Variants in MYCT1 observed in about 807,000 individuals in gnomAD.
MYCT1 encodes the protein MYC target 1, also known as myc target protein 1.
Under a neutral mutation model 15.0 loss-of-function variants are expected in MYCT1, and 12 were observed. The ratio of observed to expected loss-of-function variants is 0.80; its 90% CI spans 0.51 to 1.29. The LOEUF is 1.29. Ranked by LOEUF, MYCT1 falls within the 50% of genes most tolerant of loss-of-function variation. The pLI, the probability that MYCT1 is intolerant of heterozygous loss-of-function variation, is 0.00. For missense variants in MYCT1, 287 were observed against 279.1 expected, an observed-to-expected ratio of 1.03 and a Z score of -0.20; for synonymous variants, 104 against 102.7, an observed-to-expected ratio of 1.01 and a Z score of -0.07.
chr6:152,722,793 C>T lies in MYCT1; in HGVS notation c.*540C>T, dbSNP rs969444644. 4.9e-6 allele frequency: 2 copies of T among 408,480 alleles called. No individual in the cohort carries two copies. Among genetic ancestry groups the T allele is most frequent in the Non-Finnish European group, 9.7e-6 (2 of 206,252 alleles). The allele number at this position is 408,480 out of a possible 1,614,324, so 25.3% of individuals were successfully genotyped here. ...TGATCCGTCGCCCAGGCGGGAGTTG[C>T]AGTAGCATGATCAGGACTCACTGCA... On this transcript the variant is annotated 3_prime_UTR_variant, in exon 2 of 2. Transcript: ENST00000367245.
chr6:152,701,572 G>GA (rs2099721320), intron 1 of MYCT1, among the ~76,000 whole-genome samples: 1 of 152,114 alleles, frequency 6.6e-6, no homozygotes, highest in Non-Finnish European at 1.5e-5. Context: ...GAGGGTGTGT[G>GA]GATGGGTGGA....
downstream of MYCT1, among the ~76,000 whole-genome samples, chr6:152,727,280 T>A (rs533602003): frequency 2.5e-4 from 38 of 152,204 alleles, no homozygotes; most frequent in African/African-American, 8.7e-4. Context: ...AAAACATTTT[T>A]AACTAATTTT....
intron 1 of MYCT1, among the ~76,000 whole-genome samples, chr6:152,705,104 G>C (rs541714932): frequency 6.6e-6 from 1 of 151,910 alleles, no homozygotes; most frequent in African/African-American, 2.4e-5. Flanking sequence ...ACAGATGCTC[G>C]TCCATTTACG....
chr6:152,704,349 T>C (rs1012990307), intron 1 of MYCT1, among the ~76,000 whole-genome samples: 2 of 152,176 alleles, frequency 1.3e-5, no homozygotes, highest in Admixed American at 1.3e-4. Flanking sequence ...GAAAATCAAA[T>C]GGTCATGTAA....
At chr6:152,737,684 T>C in the MYCT1 span, among the ~76,000 whole-genome samples, 1,729 of 152,218 alleles carry the variant, frequency 0.011, 43 homozygotes, top group African/African-American at 0.04. Context: ...GAACAAGTTA[T>C]TGTGAATGAA....
intron 1 of MYCT1, among the ~76,000 whole-genome samples, chr6:152,701,838 A>G (rs181262651): frequency 8.5e-5 from 13 of 152,236 alleles, no homozygotes; most frequent in African/African-American, 2.4e-4. Flanking sequence ...GTACTTCTCC[A>G]TCTGTCTCAA....
At chr6:152,716,958 A>G (rs1031252515) in intron 1 of MYCT1, among the ~76,000 whole-genome samples, 2 of 152,182 alleles carry the variant, frequency 1.3e-5, no homozygotes, top group Non-Finnish European at 2.9e-5. Context: ...TCATTTTTTA[A>G]AAAGTAATAT....
chr6:152,700,161 A>T (rs938469632), intron 1 of MYCT1, among the ~76,000 whole-genome samples: 5 of 152,186 alleles, frequency 3.3e-5, no homozygotes, highest in Admixed American at 6.5e-5. Context: ...TGAAATATAA[A>T]TGTCAATCTT....
the MYCT1 span, among the ~76,000 whole-genome samples, chr6:152,742,135 T>C: frequency 6.6e-6 from 1 of 152,126 alleles, no homozygotes; most frequent in African/African-American, 2.4e-5. Flanking sequence ...ATGGAGGAAA[T>C]GTCATTGTAT....
chr6:152,731,984 A>G, the MYCT1 span, among the ~76,000 whole-genome samples: 1 of 152,174 alleles, frequency 6.6e-6, no homozygotes, highest in Non-Finnish European at 1.5e-5. Flanking sequence ...TTTATAAAAC[A>G]AACTACAGAG....
chr6:152,698,251 T>C (rs1453103419), intron 1 of MYCT1, among the ~76,000 whole-genome samples, 153 bp downstream of exon 1: 1 of 151,572 alleles, frequency 6.6e-6, no homozygotes, highest in East Asian at 1.9e-4. Flanking sequence ...ATCTATTTCA[T>C]ACGTTTATTA....
At chr6:152,725,954 G>A (rs908323207), downstream of MYCT1, among the ~76,000 whole-genome samples, 14 of 152,196 alleles carry the variant, frequency 9.2e-5, no homozygotes, top group South Asian at 4.1e-4. Context: ...CTGCCACTGA[G>A]AGACCTCGAA....
At chr6:152,727,615 G>A (rs1473222981), downstream of MYCT1, among the ~76,000 whole-genome samples, 1 of 152,218 alleles carries the variant, frequency 6.6e-6, no homozygotes, top group African/African-American at 2.4e-5. Context: ...CCATGCAAGT[G>A]CACTAGCATA....
chr6:152,701,399 T>G (rs577698141), intron 1 of MYCT1, among the ~76,000 whole-genome samples: 1 of 152,348 alleles, frequency 6.6e-6, no homozygotes, highest in East Asian at 1.9e-4. Context: ...ATTCTGTGTG[T>G]GGTCGTTTCA....
At chr6:152,715,126 T>C (rs563907798) in intron 1 of MYCT1, among the ~76,000 whole-genome samples, 35 of 152,306 alleles carry the variant, frequency 2.3e-4, no homozygotes, top group African/African-American at 7.7e-4. Context: ...TTTTTACAGA[T>C]TATTGTGATG....
chr6:152,741,305 A>T, the MYCT1 span, among the ~76,000 whole-genome samples: 496 of 152,308 alleles, frequency 3.3e-3, 1 homozygote, highest in African/African-American at 9.9e-3. Flanking sequence ...TCTTTTTCAC[A>T]TAAGAACATT....
chr6:152,731,218 C>T, the MYCT1 span, among the ~76,000 whole-genome samples: 3 of 100,000 alleles, frequency 3.0e-5, no homozygotes, highest in Admixed American at 1.1e-4. Context: ...GTGTACCTAG[C>T]GTGAAAAAAA....
intron 1 of MYCT1, among the ~76,000 whole-genome samples, chr6:152,701,616 GA>G (rs553175339): frequency 1.3e-3 from 198 of 151,622 alleles, no homozygotes; most frequent in African/African-American, 4.6e-3. Context: ...GTGTATTGGA[GA>G]GGGGGGACCT....
At chr6:152,743,577 C>T in the MYCT1 span, among the ~76,000 whole-genome samples, 2 of 152,196 alleles carry the variant, frequency 1.3e-5, no homozygotes, top group African/African-American at 4.8e-5. Flanking sequence ...CCCGGTAAAT[C>T]CGGAGGGTCA....
Sources: allele counts gnomAD v4.1 joint callset (sites outside exome capture counted in the v4.1 genomes callset), GRCh38; gene constraint gnomAD v4.1.1; transcripts MANE v1.5; gene names NCBI Gene and HGNC (gene_info 2026-07-23, HGNC 2026-07-21).